The following ZNF814 variants were observed in gnomAD, a reference collection of about 807,000 sequenced individuals.
ZNF814 encodes the protein zinc finger protein 814.
Under a neutral mutation model 7.5 loss-of-function variants are expected in ZNF814, and 5 were observed. The ratio of observed to expected loss-of-function variants is 0.67; its 90% CI spans 0.35 to 1.40. ZNF814 has a LOEUF of 1.40. Ranked by LOEUF, ZNF814 falls within the 40% of genes most tolerant of loss-of-function variation. The pLI, the probability that ZNF814 is intolerant of heterozygous loss-of-function variation, is 0.04. For missense variants in ZNF814, 962 were observed against 1,018.0 expected, an observed-to-expected ratio of 0.94 and a Z score of 0.75; for synonymous variants, 315 against 340.7, an observed-to-expected ratio of 0.92 and a Z score of 0.83.
chr19:57,883,626 A>G (rs917762431), intron 1 of ZNF814, among the ~76,000 whole-genome samples: 3 of 150,678 alleles, frequency 2.0e-5, no homozygotes, highest in African/African-American at 7.3e-5. Flanking sequence ...GCACCACTGC[A>G]CTGCAGCCTG....
At chr19:57,878,376 A>C (rs145511093) in intron 1 of ZNF814, among the ~76,000 whole-genome samples, 9 of 151,986 alleles carry the variant, frequency 5.9e-5, no homozygotes, top group African/African-American at 2.2e-4. Flanking sequence ...GGACATAAAA[A>C]TGGAATTGAA....
Position 57,873,952 on chromosome 19 carries a change from C to T in ZNF814, c.1438G>A (p.Val480Ile). The T allele has an allele frequency of 6.2e-7, 1 of 1,613,356 alleles. No homozygotes were observed. Reference protein sequence around the residue: ...VKSFSHKRSLVHHQRVHSGER... With the variant: ...VKSFSHKRSLIHHQRVHSGER... ...CCACTGTGAACTCGCTGATGGTGAACAAGGCTGCGCTTATGACTGAAAGAT... is the reference window on the plus strand; with the variant it reads ...CCACTGTGAACTCGCTGATGGTGAATAAGGCTGCGCTTATGACTGAAAGAT... Residue 480 changes from valine to isoleucine, a missense_variant, in exon 3 of 3, where the codon GTT (valine) becomes ATT (isoleucine). Physicochemically the swap from Val to Ile is conservative, Grantham distance 29. Transcript: ENST00000435989.
chr19:57,880,603 TTTTTTTTTTC>T (rs1276847812), intron 1 of ZNF814, among the ~76,000 whole-genome samples: 91 of 122,970 alleles, frequency 7.4e-4, no homozygotes, highest in Non-Finnish European at 1.1e-3. Context: ...ACAGAACACC[TTTTTTTTTTC>T]TTTTTTTTTT....
At chr19:57,880,183 G>A (rs1346493049) in intron 1 of ZNF814, among the ~76,000 whole-genome samples, 1 of 129,042 alleles carries the variant, frequency 7.7e-6, no homozygotes, top group Admixed American at 8.2e-5. Flanking sequence ...AGAAAATCTA[G>A]CTGCTCCTTT....
intron 1 of ZNF814, among the ~76,000 whole-genome samples, chr19:57,878,400 T>G (rs1390943083): frequency 6.6e-6 from 1 of 151,434 alleles, no homozygotes; most frequent in East Asian, 1.9e-4. Flanking sequence ...CACTACAAAC[T>G]ATAACAGGAA....
At position 57,873,528 on chromosome 19, in the gene ZNF814, T is replaced by A. The variant is rs763811700; in HGVS notation, c.1862A>T (p.His621Leu). 5.6e-6 allele frequency: 9 copies of A among 1,613,902 alleles called. No individual in the cohort carries two copies. The highest frequency in any genetic ancestry group is 1.7e-4 in the Middle Eastern group (1 of 6,060). The change falls in exon 3 of 3, where the codon CAC (histidine) becomes CTC (leucine). Residue 621 changes from histidine (H) to leucine (L), a missense_variant. By Grantham distance (99) the His-to-Leu change is moderately conservative. This residue lies in a region of ZNF814 where 665 missense variants were observed against 551.4 expected (regional missense o/e 1.21). Transcript: ENST00000435989. ...KSFSHKRSLV[H>L]HQRMHTGERP... is the part of the protein sequence containing the mutation. ...TTCTCCAGTGTGCATGCGCTGATGG[T>A]GAACAAGGCTGCGCTTATGACTAAA...
At chr19:57,897,679 C>T in the ZNF814 span, among the ~76,000 whole-genome samples, 2 of 152,230 alleles carry the variant, frequency 1.3e-5, no homozygotes, top group Non-Finnish European at 2.9e-5. Context: ...ACAATTCCCA[C>T]TCCCTACTTC....
intron 1 of ZNF814, among the ~76,000 whole-genome samples, chr19:57,878,034 C>T (rs999253395): frequency 6.6e-5 from 10 of 151,704 alleles, no homozygotes; most frequent in Admixed American, 2.6e-4. Flanking sequence ...AGCGTGGTGT[C>T]GGGCGCCTGT....
chr19:57,901,277 A>G, the ZNF814 span, among the ~76,000 whole-genome samples: 1 of 152,234 alleles, frequency 6.6e-6, no homozygotes, highest in Non-Finnish European at 1.5e-5. Context: ...GAGACCAGGT[A>G]TATAAAACCC....
chr19:57,880,478 G>A (rs2071643165), intron 1 of ZNF814, among the ~76,000 whole-genome samples: 1 of 151,538 alleles, frequency 6.6e-6, no homozygotes, highest in Non-Finnish European at 1.5e-5. Context: ...CCTGCGTTAT[G>A]GACTTAGGGC....
chr19:57,899,389 G>GC, the ZNF814 span, among the ~76,000 whole-genome samples: 1 of 152,168 alleles, frequency 6.6e-6, no homozygotes, highest in Non-Finnish European at 1.5e-5. Flanking sequence ...ACTAATCATA[G>GC]CCCCCCATAA....
chr19:57,904,617 T>C, the ZNF814 span, among the ~76,000 whole-genome samples: 1 of 152,218 alleles, frequency 6.6e-6, no homozygotes, highest in Non-Finnish European at 1.5e-5. Flanking sequence ...TATACTTTTT[T>C]CCATCTTGTG....
chr19:57,874,210 T>A lies in ZNF814; in HGVS notation c.1180A>T (p.Ser394Cys), dbSNP rs1214328821. ...ECGKSFSKYA[S>C]FSNHQRVHTD... is the part of the protein sequence containing the mutation. ...TGAACTCTCTGATGATTACTGAAGC[T>A]AGCATATTTGCTAAACGATTTCCCA... Residue 394 changes from serine (S) to cysteine (C), a missense_variant, in exon 3 of 3, where the codon AGC (serine) becomes TGC (cysteine). Ser to Cys is a moderately radical substitution (Grantham distance 112, BLOSUM62 -1). Around this residue, in one of 7 missense-constraint regions of ZNF814, gnomAD observed 13 missense variants for 27.7 expected, o/e 0.47. Coordinates refer to ENST00000435989, the MANE Select transcript of ZNF814 (RefSeq NM_001144989.2). 6.3e-7 allele frequency: 1 copy of A among 1,575,576 alleles called. No individual in the cohort carries two copies. The highest frequency in any genetic ancestry group is 8.6e-7 in the Non-Finnish European group (1 of 1,160,562).
At chr19:57,882,780 A>G (rs1186214694) in intron 1 of ZNF814, among the ~76,000 whole-genome samples, 4 of 151,178 alleles carry the variant, frequency 2.6e-5, no homozygotes, top group Non-Finnish European at 5.9e-5. Flanking sequence ...ACTCTTCCTA[A>G]GAAGGACAGG....
At chr19:57,876,458 C>G (rs1242072422) in intron 2 of ZNF814, 1 of 183,346 alleles carries the variant, frequency 5.5e-6, no homozygotes, top group African/African-American at 2.3e-5. Flanking sequence ...CAGCCCATGA[C>G]AGCCCATGAG....
At position 57,871,393 on chromosome 19, in the gene ZNF814, A is replaced by G. The variant is rs555889357; in HGVS notation, c.*1429T>C. 1.3e-5 allele frequency: 2 copies of G among 152,318 alleles called. No individual in the cohort carries two copies. Among genetic ancestry groups the G allele is most frequent in the South Asian group, 4.1e-4 (2 of 4,826 alleles). 9.4% of individuals were successfully genotyped at this position (152,318 alleles called of 1,614,324 possible). On this transcript the variant is annotated 3_prime_UTR_variant, in exon 3 of 3. Transcript: ENST00000435989. Reference sequence around the variant, plus strand: ...GCAGTCCACAAGTGGAGAAAGCTACATTCTGCATTCATACTGTTCCATGAG... The same window carrying G: ...GCAGTCCACAAGTGGAGAAAGCTACGTTCTGCATTCATACTGTTCCATGAG...
the ZNF814 span, among the ~76,000 whole-genome samples, chr19:57,896,404 A>C: frequency 5.3e-5 from 8 of 152,200 alleles, no homozygotes; most frequent in Middle Eastern, 3.2e-3. This position sits in a 1 kb window ranked among gnomAD's most constrained non-coding sequence, Gnocchi z 4.2. Flanking sequence ...AGGGAAACTG[A>C]AAAGGGTATG....
chr19:57,887,138 A>G (rs565723213), intron 1 of ZNF814, among the ~76,000 whole-genome samples: 5 of 152,318 alleles, frequency 3.3e-5, no homozygotes, highest in Non-Finnish European at 7.3e-5. Context: ...CAGTGAGCCG[A>G]GATCACACCA....
chr19:57,904,609 T>C, the ZNF814 span, among the ~76,000 whole-genome samples: 2 of 152,240 alleles, frequency 1.3e-5, no homozygotes, highest in Non-Finnish European at 2.9e-5. Flanking sequence ...GCCTGGTTTA[T>C]ACTTTTTTCC....
Sources: allele counts gnomAD v4.1 joint callset (sites outside exome capture counted in the v4.1 genomes callset), GRCh38; gene constraint gnomAD v4.1.1; regional missense constraint gnomAD v4.1.1; non-coding constraint Gnocchi (gnomAD v3.1); transcripts MANE v1.5; gene names NCBI Gene and HGNC (gene_info 2026-07-23, HGNC 2026-07-21).